Variants in ARHGEF28 observed in about 807,000 individuals in gnomAD.
ARHGEF28 encodes Rho guanine nucleotide exchange factor 28.
ARHGEF28 carries 152 observed loss-of-function variants against 206.6 expected under a neutral mutation model. The ratio of observed to expected loss-of-function variants is 0.74; its 90% CI spans 0.64 to 0.84. The LOEUF (loss-of-function observed/expected upper bound fraction) is 0.84. ARHGEF28 is among the 40% of genes least tolerant of loss of function. The pLI is 0.00. For missense variants in ARHGEF28, 2,028 were observed against 2,073.2 expected, an observed-to-expected ratio of 0.98 and a Z score of 0.42; for synonymous variants, 763 against 776.4, an observed-to-expected ratio of 0.98 and a Z score of 0.29.
At chr5:73,629,799 G>A (rs1257279196) in intron 1 of ARHGEF28, among the ~76,000 whole-genome samples, 3 of 152,148 alleles carry the variant, frequency 2.0e-5, no homozygotes, top group Admixed American at 6.5e-5. Flanking sequence ...GTATAAAAAT[G>A]TATTTTAATT....
chr5:73,775,245 G>A (rs180831830), intron 5 of ARHGEF28, among the ~76,000 whole-genome samples: 41 of 152,324 alleles, frequency 2.7e-4, no homozygotes, highest in African/African-American at 9.6e-4. Flanking sequence ...TGTCCAAGAC[G>A]AGAAGATACG....
chr5:73,776,784 G>A (rs1017748481), intron 6 of ARHGEF28, 88 bp downstream of exon 6: 4 of 1,290,744 alleles, frequency 3.1e-6, no homozygotes, highest in Middle Eastern at 4.0e-4. Context: ...GTGTTTTTTG[G>A]GGGTAGGACT....
chr5:73,937,626 CCTTG>C (rs1344198814), intron 35 of ARHGEF28, among the ~76,000 whole-genome samples: 1 of 152,046 alleles, frequency 6.6e-6, no homozygotes, highest in African/African-American at 2.4e-5. Flanking sequence ...ATTGCTATTT[CCTTG>C]CTTATTAGAA....
intron 2 of ARHGEF28, among the ~76,000 whole-genome samples, chr5:73,730,707 G>A (rs1019264124): frequency 2.0e-5 from 3 of 151,790 alleles, no homozygotes; most frequent in Non-Finnish European, 4.4e-5. Flanking sequence ...GCTAATTTTT[G>A]TATATTTTTG....
intron 9 of ARHGEF28, among the ~76,000 whole-genome samples, chr5:73,804,924 T>G (rs1407853586): frequency 3.3e-5 from 5 of 152,144 alleles, no homozygotes; most frequent in Admixed American, 6.6e-5. Context: ...AGCCCACACA[T>G]AAGGAAAAAG....
chr5:73,691,024 G>T (rs1561336208), intron 2 of ARHGEF28, among the ~76,000 whole-genome samples: 2 of 151,990 alleles, frequency 1.3e-5, no homozygotes, highest in Non-Finnish European at 2.9e-5. Flanking sequence ...CCACCTCCTG[G>T]GTTCAAGCAA....
At chr5:73,668,069 C>T (rs1395070724) in intron 1 of ARHGEF28, among the ~76,000 whole-genome samples, 2 of 152,168 alleles carry the variant, frequency 1.3e-5, no homozygotes, top group African/African-American at 2.4e-5. Context: ...GCTCTCCATA[C>T]GGCACTTGTC....
At position 73,897,866 on chromosome 5, in the gene ARHGEF28, A is replaced by G. The variant is rs1217383868; in HGVS notation, c.3842-96A>G. 3.7e-6 allele frequency: 5 copies of G among 1,359,948 alleles called. No homozygotes were observed. The East Asian group carries it at 1.1e-4, about 29-fold the overall frequency. 84.2% of individuals were successfully genotyped at this position (1,359,948 alleles called of 1,614,324 possible). A position where few individuals can be genotyped will look rare whatever the true frequency, so the allele number is the denominator to read the frequency against. ...TTTAGCCCCTGGGTCCTATAAAAAC[A>G]GGGACAGGCCAAATGCGATTTGCCA... is the stretch of plus-strand genomic sequence containing the variant. On this transcript the variant is annotated intron_variant, in intron 29 of 35. Transcript: ENST00000513042.
At chr5:73,780,515 G>T (rs1398175536) in intron 6 of ARHGEF28, 161 bp from the exon 7 acceptor site, 2 of 661,022 alleles carry the variant, frequency 3.0e-6, no homozygotes, top group Non-Finnish European at 5.1e-6. Context: ...TCCTGCTGGG[G>T]TGCTGGCTAT....
intron 35 of ARHGEF28, among the ~76,000 whole-genome samples, chr5:73,930,640 A>G (rs1177880183): frequency 6.6e-6 from 1 of 152,196 alleles, no homozygotes; most frequent in Non-Finnish European, 1.5e-5. Flanking sequence ...TGCAGAAACT[A>G]CTCAAAATGT....
intron 2 of ARHGEF28, among the ~76,000 whole-genome samples, chr5:73,711,656 T>C (rs962362859): frequency 2.0e-5 from 3 of 152,138 alleles, no homozygotes; most frequent in African/African-American, 7.2e-5. Context: ...GGTTAACTTT[T>C]GTATTCTGTA....
At chr5:73,880,571 A>G (rs35588745) in intron 22 of ARHGEF28, among the ~76,000 whole-genome samples, 29,585 of 152,074 alleles carry the variant, frequency 0.19, 3,286 homozygotes, top group East Asian at 0.31. Flanking sequence ...GCCATCTTGT[A>G]GTTTCAAGTT....
chr5:73,861,431 T>A (rs1359833805), intron 16 of ARHGEF28, among the ~76,000 whole-genome samples: 1 of 152,090 alleles, frequency 6.6e-6, no homozygotes, highest in African/African-American at 2.4e-5. Flanking sequence ...TTTAATGGAG[T>A]TCCTTATAAC....
chr5:73,920,492 A>T (rs189296719), intron 35 of ARHGEF28, among the ~76,000 whole-genome samples: 4 of 150,854 alleles, frequency 2.7e-5, no homozygotes, highest in Non-Finnish European at 4.4e-5. Flanking sequence ...GGTTTGTTGC[A>T]TAGGTATACA....
At chr5:73,727,507 CT>C (rs1019700634) in intron 2 of ARHGEF28, among the ~76,000 whole-genome samples, 2 of 152,186 alleles carry the variant, frequency 1.3e-5, no homozygotes, top group Non-Finnish European at 2.9e-5. Flanking sequence ...CAAGAACCCA[CT>C]TTCCTGGATA....
intron 12 of ARHGEF28, among the ~76,000 whole-genome samples, chr5:73,847,547 G>A (rs191795468): frequency 2.6e-5 from 4 of 152,244 alleles, no homozygotes; most frequent in Admixed American, 2.6e-4. Flanking sequence ...TGAGAAGTTT[G>A]TATGGTTGTT....
At chr5:73,938,200 A>ACACACACC (rs1554033521) in intron 35 of ARHGEF28, among the ~76,000 whole-genome samples, 1 of 145,148 alleles carries the variant, frequency 6.9e-6, no homozygotes. Flanking sequence ...ACACACACAC[A>ACACACACC]ACTCCCCATC....
At chr5:73,839,441 A>G (rs1237199495) in intron 10 of ARHGEF28, among the ~76,000 whole-genome samples, 1 of 152,096 alleles carries the variant, frequency 6.6e-6, no homozygotes, top group Non-Finnish European at 1.5e-5. Flanking sequence ...CTATCTCTAA[A>G]TGGTGTTACT....
chr5:73,769,984 G>A (rs1015855753), intron 4 of ARHGEF28, among the ~76,000 whole-genome samples: 6 of 152,188 alleles, frequency 3.9e-5, no homozygotes, highest in Admixed American at 2.6e-4. Flanking sequence ...GCCTACATTT[G>A]AGAGGTTAAT....
Sources: allele counts gnomAD v4.1 joint callset (sites outside exome capture counted in the v4.1 genomes callset), GRCh38; gene constraint gnomAD v4.1.1; transcripts MANE v1.5; gene names NCBI Gene and HGNC (gene_info 2026-07-23, HGNC 2026-07-21).